Variants in RGPD8 observed in about 807,000 individuals in gnomAD.
RGPD8 encodes the protein RANBP2-like and GRIP domain-containing protein 8.
A neutral mutation model predicts 89.1 loss-of-function variants in RGPD8; 15 were observed. The ratio of observed to expected loss-of-function variants is 0.17; its 90% confidence interval spans 0.11 to 0.26. The LOEUF (loss-of-function observed/expected upper bound fraction) is 0.26. Among genes scored for constraint, RGPD8 ranks in the 10% least tolerant of loss-of-function variants. The pLI is 1.00. For synonymous variants in RGPD8, 62 were observed against 420.9 expected (o/e 0.15, Z 10.44); for missense variants, 178 against 1,179.6 (o/e 0.15, Z 12.44).
intron 1 of RGPD8, among the ~76,000 whole-genome samples, chr2:112,427,419 T>A (rs1435257749): frequency 1.3e-5 from 2 of 152,100 alleles, no homozygotes; most frequent in African/African-American, 4.8e-5. Context: ...CAGGACAATA[T>A]CTGATGCAAG....
At chr2:112,432,739 G>A (rs931988168) in intron 1 of RGPD8, 27 of 985,188 alleles carry the variant, frequency 2.7e-5, no homozygotes, top group Admixed American at 1.2e-4. Flanking sequence ...CCGGGCCAGG[G>A]CGAGCCCACG....
At chr2:112,373,043 T>C (rs1247741049) in intron 22 of RGPD8, among the ~76,000 whole-genome samples, 2 of 146,500 alleles carry the variant, frequency 1.4e-5, no homozygotes, top group Non-Finnish European at 2.9e-5. Flanking sequence ...AAAATGACTT[T>C]TACTTCCAGC....
chr2:112,410,983 G>A (rs1204170702), intron 7 of RGPD8, among the ~76,000 whole-genome samples: 10 of 152,232 alleles, frequency 6.6e-5, no homozygotes, highest in African/African-American at 2.4e-4. Flanking sequence ...TACTCGGGAG[G>A]CTGAAGCAGG....
chr2:112,428,816 C>T (rs1679889691), intron 1 of RGPD8, among the ~76,000 whole-genome samples: 1 of 151,890 alleles, frequency 6.6e-6, no homozygotes, highest in African/African-American at 2.4e-5. Context: ...ACACAACATA[C>T]AAGCAAACCA....
chr2:112,431,172 C>T (rs1007195379), intron 1 of RGPD8, among the ~76,000 whole-genome samples: 6 of 152,128 alleles, frequency 3.9e-5, no homozygotes, highest in Non-Finnish European at 7.4e-5. Flanking sequence ...GTGGGAGGAT[C>T]GCTTGAGCTG....
In RGPD8 at chr2:112,428,314, G is replaced by A. The variant is rs182831356; in HGVS notation, c.73-4007C>T. On this transcript the variant is annotated intron_variant, in intron 1 of 22. Coordinates refer to ENST00000302558, the MANE Select transcript of RGPD8 (RefSeq NM_001164463.1). ...GAAAAAATTAGCCGGGCATGGTGGCGCACACCTGTAATCCCGCTACTCGGG... is the reference window on the plus strand; with the variant it reads ...GAAAAAATTAGCCGGGCATGGTGGCACACACCTGTAATCCCGCTACTCGGG... Among the ~76,000 whole-genome samples the A allele has an allele frequency of 1.6e-3, 240 of 149,194 alleles. 3 individuals are homozygous for A. Among genetic ancestry groups the A allele is most frequent in the African/African-American group, 5.7e-3 (232 of 40,498 alleles).
At position 112,374,437 on chromosome 2, in the gene RGPD8, T is replaced by A. The variant is rs1157363710; in HGVS notation, c.5263+3616A>T. 4.7e-5 allele frequency among the ~76,000 whole-genome samples: 7 copies of A among 148,478 alleles called. No homozygotes were observed. The East Asian group carries it at 1.4e-3, about 30-fold the overall frequency. ...TAAAGTTTTTGTTTTCCAGAAGAGA[T>A]CTTGGAAAATATAAAAGGTTGGCAG... On this transcript the variant is annotated intron_variant, in intron 22 of 22. Coordinates refer to ENST00000302558, the MANE Select transcript of RGPD8 (RefSeq NM_001164463.1).
intron 22 of RGPD8, among the ~76,000 whole-genome samples, chr2:112,374,733 C>T (rs1180079055): frequency 1.5e-5 from 2 of 133,700 alleles, no homozygotes; most frequent in Non-Finnish European, 3.3e-5. Flanking sequence ...GTGCTGTATT[C>T]TTGTCTCTCC....
chr2:112,402,531 A>AAGAAAAGAAAAGAAAAGAAC (rs1678908277), intron 9 of RGPD8, among the ~76,000 whole-genome samples: 1 of 152,090 alleles, frequency 6.6e-6, no homozygotes, highest in Non-Finnish European at 1.5e-5. Flanking sequence ...AAGAAAAGAA[A>AAGAAAAGAAAAGAAAAGAAC]AGGTTATGCG....
intron 22 of RGPD8, among the ~76,000 whole-genome samples, chr2:112,374,856 TTC>T (rs1452071637): frequency 3.6e-4 from 34 of 94,182 alleles, no homozygotes; most frequent in Admixed American, 5.9e-4. Flanking sequence ...GTAGTTTACA[TTC>T]TTTTTTTTTT....
At chr2:112,432,570 C>A in intron 1 of RGPD8, 7 of 985,412 alleles carry the variant, frequency 7.1e-6, no homozygotes, top group Non-Finnish European at 8.4e-6. Flanking sequence ...CCCGGAGCTG[C>A]GTCAGTCCCC....
intron 1 of RGPD8, among the ~76,000 whole-genome samples, chr2:112,425,005 C>T (rs1262211405): frequency 6.7e-6 from 1 of 150,258 alleles, no homozygotes; most frequent in Non-Finnish European, 1.5e-5. Context: ...TTGACACTGC[C>T]GTGAGTTATG....
chr2:112,430,961 A>G (rs904563263), intron 1 of RGPD8, among the ~76,000 whole-genome samples: 2 of 152,136 alleles, frequency 1.3e-5, no homozygotes, highest in African/African-American at 4.8e-5. Context: ...TGTCTCAAAA[A>G]CAAAATAATG....
At chr2:112,429,448 G>T (rs1043803745) in intron 1 of RGPD8, among the ~76,000 whole-genome samples, 4 of 132,010 alleles carry the variant, frequency 3.0e-5, no homozygotes, top group Non-Finnish European at 5.0e-5. Context: ...GAAAAGAAAA[G>T]AAAATGTCTA....
rs754170607 is a variant in RGPD8 at position 112,387,390 on chromosome 2, CTCAG to C, written c.4921+630_4921+633del. On this transcript the variant is annotated intron_variant, in intron 20 of 22. Coordinates refer to ENST00000302558, the MANE Select transcript of RGPD8 (RefSeq NM_001164463.1). ...TGTTTTTTTTGGAGACAAAGTCTCA[CTCAG>C]TCACTCAGTCAGGCTGGAGTAAGTG... 1.1e-4 allele frequency among the ~76,000 whole-genome samples: 16 copies of C among 141,712 alleles called. 1 individual carries two copies. The highest frequency in any genetic ancestry group is 2.3e-4 in the Non-Finnish European group (15 of 64,008). The allele number at this position is 141,712 out of a possible 152,430, so 93.0% of individuals were successfully genotyped here. A position where few individuals can be genotyped will look rare whatever the true frequency, so the allele number is the denominator to read the frequency against.
At chr2:112,429,282 G>T (rs968679473) in intron 1 of RGPD8, among the ~76,000 whole-genome samples, 1 of 150,708 alleles carries the variant, frequency 6.6e-6, no homozygotes, top group Non-Finnish European at 1.5e-5. Context: ...TTAGCCGAGT[G>T]TTGTGGCGGG....
At chr2:112,429,124 G>C (rs1156424918) in intron 1 of RGPD8, among the ~76,000 whole-genome samples, 2 of 151,780 alleles carry the variant, frequency 1.3e-5, no homozygotes, top group East Asian at 3.9e-4. Context: ...AGCCAGTACA[G>C]AATGTCTAAA....
chr2:112,423,739 T>G (rs919344609), intron 2 of RGPD8, among the ~76,000 whole-genome samples: 3 of 152,014 alleles, frequency 2.0e-5, no homozygotes, highest in African/African-American at 7.2e-5. Flanking sequence ...CCCTCTTAAT[T>G]TCCTGCTTTA....
chr2:112,372,925 CT>C (rs1677996372), intron 22 of RGPD8, among the ~76,000 whole-genome samples: 1 of 121,338 alleles, frequency 8.2e-6, no homozygotes. Flanking sequence ...GGCTTTTTTT[CT>C]TTATTTACTT....
Sources: gnomAD v4.1 joint callset for allele counts (sites outside exome capture counted in the v4.1 genomes callset) on GRCh38, gnomAD v4.1.1 for gene constraint, MANE v1.5 for transcripts, NCBI Gene and HGNC (gene_info 2026-07-23, HGNC 2026-07-21) for gene names.